The following ANK3 variants were observed in gnomAD, a reference collection of about 807,000 sequenced individuals.
ANK3 encodes ankyrin-3.
Under a neutral mutation model 370.9 loss-of-function variants are expected in ANK3, and 57 were observed. That is an observed-to-expected ratio of 0.15 (90% confidence interval 0.12 to 0.19). The LOEUF (loss-of-function observed/expected upper bound fraction) is 0.19. Among genes scored for constraint, ANK3 ranks in the 10% least tolerant of loss-of-function variants. ANK3 has a pLI of 1.00. For synonymous variants in ANK3, 1,929 were observed against 1,946.3 expected, an observed-to-expected ratio of 0.99 and a Z score of 0.23; for missense variants, 4,439 against 5,302.1, an observed-to-expected ratio of 0.84 and a Z score of 5.06.
intron 32 of ANK3, chr10:60,084,279 G>A (rs536933851): frequency 6.4e-5 from 10 of 156,510 alleles, no homozygotes; most frequent in South Asian, 2.0e-4. Context: ...GGTGGCAGGC[G>A]CCTGTAATCC....
At chr10:60,634,812 C>G (rs1034771650) in intron 1 of ANK3, among the ~76,000 whole-genome samples, 1 of 151,578 alleles carries the variant, frequency 6.6e-6, no homozygotes, top group Non-Finnish European at 1.5e-5. Flanking sequence ...CAAACAACTC[C>G]GGACGCGCCA....
Position 60,071,464 on chromosome 10 carries a change from C to A in ANK3, c.9417G>T (p.Lys3139Asn), listed in dbSNP as rs756377705. 2 of 1,613,978 alleles carry A rather than the reference C, an allele frequency of 1.2e-6. No individual in the cohort carries two copies. The highest frequency in any genetic ancestry group is 1.7e-6 in the Non-Finnish European group (2 of 1,179,956). The stretch of plus-strand genomic sequence containing the variant: ...GACTACCTTGGGGAGAAGGAGGTTG[C>A]TTTTGCTGTCTAGTTGTATAAAAGG... ...RGTFYTTRQQ[K>N]QPPSPQGSPE... The change falls in exon 37 of 44, where the codon AAG becomes AAT. Residue 3139 changes from lysine to asparagine, a missense_variant. Lys to Asn is a moderately conservative substitution (Grantham distance 94). Coordinates refer to ENST00000280772, the MANE Select transcript of ANK3 (RefSeq NM_020987.5).
intron 42 of ANK3, among the ~76,000 whole-genome samples, chr10:60,045,332 A>G (rs1038235618): frequency 2.6e-5 from 4 of 152,196 alleles, no homozygotes; most frequent in South Asian, 4.1e-4. Flanking sequence ...GAGTTTTAAA[A>G]ATAGAATACA....
chr10:60,727,126 C>A (rs773422585), intron 1 of ANK3, among the ~76,000 whole-genome samples: 15 of 151,988 alleles, frequency 9.9e-5, no homozygotes, highest in Non-Finnish European at 2.1e-4. Flanking sequence ...CACTTACATA[C>A]CCCCGCCCCA....
chr10:60,273,728 G>T (rs566836165), intron 4 of ANK3, among the ~76,000 whole-genome samples: 29 of 152,154 alleles, frequency 1.9e-4, no homozygotes, highest in Admixed American at 9.2e-4. Flanking sequence ...GGAGATAATT[G>T]AATCATGGGG....
At chr10:60,114,634 T>A (rs2092957056) in intron 25 of ANK3, among the ~76,000 whole-genome samples, 1 of 152,108 alleles carries the variant, frequency 6.6e-6, no homozygotes, top group Admixed American at 6.6e-5. Flanking sequence ...ATTTTCAACA[T>A]GTCTTCAAAT....
At chr10:60,150,547 T>C (rs569225791) in intron 23 of ANK3, among the ~76,000 whole-genome samples, 1 of 152,280 alleles carries the variant, frequency 6.6e-6, no homozygotes, top group South Asian at 2.1e-4. Flanking sequence ...AGCCCCAGTG[T>C]TGGAGGTAGG....
chr10:60,413,322 C>T (rs1307418590), intron 2 of ANK3, among the ~76,000 whole-genome samples: 1 of 152,204 alleles, frequency 6.6e-6, no homozygotes, highest in Non-Finnish European at 1.5e-5. Flanking sequence ...AAACTGTGGG[C>T]TACCACGTTC....
At chr10:60,300,260 G>T in intron 1 of ANK3, 1 of 1,059,796 alleles carries the variant, frequency 9.4e-7, no homozygotes, top group Non-Finnish European at 1.3e-6. Flanking sequence ...CAACTATTCA[G>T]GGCAAAACAG....
At chr10:60,629,874 G>T (rs1254648587) in intron 1 of ANK3, among the ~76,000 whole-genome samples, 2 of 151,996 alleles carry the variant, frequency 1.3e-5, no homozygotes, top group African/African-American at 2.4e-5. Flanking sequence ...CCTTTCCCCA[G>T]TTGCAAAAGA....
Position 60,172,333 on chromosome 10 carries a change from A to G in ANK3, c.2453T>C (p.Val818Ala), listed in dbSNP as rs756939302. ...AGTTGTGGTCATGGTCTCTTCGGTC[A>G]CTATCTTCAGGGTGTCCACTACTGA... ...YISVVDTLKI[V>A]TEETMTTTTV... The change falls in exon 21 of 44, where the codon GTG becomes GCG. Residue 818 changes from valine (V) to alanine (A), a missense_variant. Coordinates refer to ENST00000280772, the MANE Select transcript of ANK3 (RefSeq NM_020987.5). 6.2e-7 allele frequency: 1 copy of G among 1,613,936 alleles called. No homozygotes were observed. The highest frequency in any genetic ancestry group is 8.5e-7 in the Non-Finnish European group (1 of 1,179,840).
intron 2 of ANK3, among the ~76,000 whole-genome samples, chr10:60,478,000 C>T (rs1018731121): frequency 1.3e-5 from 2 of 151,968 alleles, no homozygotes; most frequent in Non-Finnish European, 2.9e-5. Context: ...TGTAAAAAAT[C>T]AACTATCATT....
chr10:60,386,441 G>A (rs1170168063), intron 1 of ANK3, among the ~76,000 whole-genome samples: 1 of 150,882 alleles, frequency 6.6e-6, no homozygotes, highest in African/African-American at 2.4e-5. Context: ...CAAATAGGAA[G>A]ATTTCCTTTT....
chr10:60,333,774 G>T (rs1051162145), intron 1 of ANK3, among the ~76,000 whole-genome samples: 1 of 152,196 alleles, frequency 6.6e-6, no homozygotes, highest in Non-Finnish European at 1.5e-5. Flanking sequence ...CAGTGTAAAA[G>T]TGTTCCTATT....
chr10:60,685,544 T>C (rs1207843500), intron 1 of ANK3, among the ~76,000 whole-genome samples: 1 of 152,216 alleles, frequency 6.6e-6, no homozygotes, highest in East Asian at 1.9e-4. Flanking sequence ...TTGCTGAAGA[T>C]TTACAACAGG....
At chr10:60,172,824 A>G (rs1382802319) in intron 20 of ANK3, 76 bp downstream of exon 20, 7 of 906,414 alleles carry the variant, frequency 7.7e-6, no homozygotes, top group Non-Finnish European at 8.7e-6. Flanking sequence ...AAGTACAATG[A>G]AAAACGTAAG....
intron 2 of ANK3, among the ~76,000 whole-genome samples, chr10:60,429,523 G>C (rs2063967058): frequency 6.6e-6 from 1 of 152,170 alleles, no homozygotes; most frequent in Non-Finnish European, 1.5e-5. Flanking sequence ...AATAAGAAGT[G>C]AGTATAAGAA....
rs185631653 is a variant in ANK3, at chr10:60,550,103, T to C, written c.96+65083A>G. On this transcript the variant is annotated intron_variant, in intron 2 of 43. Coordinates refer to the ANK3 transcript ENST00000373827. ...ACCTGCCATTTCATATGAAAATTAT[T>C]GAAACTAAAAATCACAACAGTAAAA... 5.9e-5 allele frequency among the ~76,000 whole-genome samples: 9 copies of C among 152,174 alleles called. No homozygotes were observed. In the East Asian group the frequency reaches 1.7e-3, roughly 29 times the overall value.
In ANK3 at chr10:60,110,588, C is replaced by T. The variant is rs1341840918; in HGVS notation, c.2949-1534G>A. ...GATACTTGTTCACTTGTACAAGTGT[C>T]GGGATGAATTGTTACCAATGCTAAA... is the stretch of plus-strand genomic sequence containing the variant. On this transcript the variant is annotated intron_variant, in intron 26 of 43. Coordinates refer to ENST00000280772, the MANE Select transcript of ANK3 (RefSeq NM_020987.5). 2.0e-5 allele frequency among the ~76,000 whole-genome samples: 3 copies of T among 152,100 alleles called. No homozygotes were observed. In the East Asian group the frequency reaches 5.8e-4, roughly 29 times the overall value.
Sources: gnomAD v4.1 joint callset for allele counts (sites outside exome capture counted in the v4.1 genomes callset) on GRCh38, gnomAD v4.1.1 for gene constraint, MANE v1.5 for transcripts, NCBI Gene and HGNC (gene_info 2026-07-23, HGNC 2026-07-21) for gene names.